TLR1: variants seen among roughly 807,000 people sequenced by gnomAD.
The protein encoded by TLR1 is toll like receptor 1.
A neutral mutation model predicts 20.2 loss-of-function variants in TLR1; 19 were observed. That is an observed-to-expected ratio of 0.94 (90% CI 0.66 to 1.38). The LOEUF is 1.38. TLR1 is among the 40% of genes most tolerant of loss of function. The pLI is 0.00. For missense variants in TLR1, 921 were observed against 910.0 expected, an observed-to-expected ratio of 1.01 and a Z score of -0.16; for synonymous variants, 320 against 334.5, an observed-to-expected ratio of 0.96 and a Z score of 0.47.
chr4:38,789,205 C>T (rs191389228), downstream of TLR1, among the ~76,000 whole-genome samples: 27 of 152,228 alleles, frequency 1.8e-4, no homozygotes, highest in East Asian at 4.6e-3. Context: ...CCACCTTCAG[C>T]GATGTCATGT....
chr4:38,797,503 T>C lies in TLR1; in HGVS notation c.1329A>G (p.Leu443=). Reference sequence around the variant, plus strand: ...GATCAAGTACCTTGATCCTGGGAGGTAAACATCTGAAAATAGTGTCAGTAA... The same window carrying C: ...GATCAAGTACCTTGATCCTGGGAGGCAAACATCTGAAAATAGTGTCAGTAA... The part of the protein sequence containing the change: ...NILTDTIFRC[L]PPRIKVLDLH... The change falls in exon 4 of 4, where the codon TTA becomes TTG. Residue 443 remains leucine, a synonymous_variant. Coordinates refer to ENST00000308979, the MANE Select transcript of TLR1 (RefSeq NM_003263.4). The C allele has an allele frequency of 6.2e-7, 1 of 1,614,142 alleles. No individual in the cohort carries two copies. The highest frequency in any genetic ancestry group is 8.5e-7 in the Non-Finnish European group (1 of 1,180,030).
intron 2 of TLR1, among the ~76,000 whole-genome samples, chr4:38,803,738 T>A (rs919407187): frequency 6.6e-6 from 1 of 152,208 alleles, no homozygotes; most frequent in Non-Finnish European, 1.5e-5. Flanking sequence ...CTGAGCCTCA[T>A]CTATTTTAGA....
chr4:38,800,058 G>C (rs1343654566), intron 3 of TLR1, among the ~76,000 whole-genome samples: 2 of 152,234 alleles, frequency 1.3e-5, no homozygotes, highest in African/African-American at 4.8e-5. Context: ...GGCTATTTTT[G>C]AGTGATTAGT....
In TLR1 at chr4:38,798,736, T is replaced by C; in HGVS notation, c.96A>G (p.Ser32=). Residue 32 remains serine, a synonymous_variant, in exon 4 of 4, where the codon TCA becomes TCG. Transcript: ENST00000308979. ...TAGGAACGTGGATGAGACCGTTTTTTGACCTATCAACTAAAAATTCACTTT... is the reference window on the plus strand; with the variant it reads ...TAGGAACGTGGATGAGACCGTTTTTCGACCTATCAACTAAAAATTCACTTT... ...SEESEFLVDR[S]KNGLIHVPKD... is the part of the protein sequence containing the mutation. 6.2e-7 allele frequency: 1 copy of C among 1,613,276 alleles called. No homozygotes were observed. The highest frequency in any genetic ancestry group is 8.5e-7 in the Non-Finnish European group (1 of 1,179,866).
downstream of TLR1, among the ~76,000 whole-genome samples, chr4:38,792,448 T>C (rs537950202): frequency 6.6e-6 from 1 of 152,356 alleles, no homozygotes; most frequent in South Asian, 2.1e-4. Flanking sequence ...TATACTTTTG[T>C]ATCCTATGCT....
At chr4:38,801,094 A>G (rs549973267) in intron 2 of TLR1, 146 bp from the exon 3 acceptor site, 1 of 152,800 alleles carries the variant, frequency 6.5e-6, no homozygotes, top group South Asian at 2.1e-4. Flanking sequence ...TCACACAAGG[A>G]GCAATATTTC....
exon 4 of TLR1, chr4:38,791,118 G>A (rs1471703023): frequency 1.3e-5 from 2 of 152,202 alleles, no homozygotes; most frequent in African/African-American, 4.8e-5. Context: ...AGGGCAGTGC[G>A]AGCTTGTCCA....
At position 38,798,902 on chromosome 4, in the gene TLR1, GAA is replaced by G. The variant is rs896903830; in HGVS notation, c.-67-6_-67-5del. 9.5e-6 allele frequency: 11 copies of G among 1,154,686 alleles called. No individual in the cohort carries two copies. In the African/African-American group the frequency reaches 1.7e-4, roughly 18 times the overall value. 71.5% of individuals were successfully genotyped at this position (1,154,686 alleles called of 1,614,324 possible). A position where few individuals can be genotyped will look rare whatever the true frequency, so the allele number is the denominator to read the frequency against. On this transcript the variant is annotated splice_polypyrimidine_tract_variant and splice_region_variant and intron_variant, in intron 3 of 3. Transcript: ENST00000308979. ...CATCTTGATACAGATACAGATTCTA[GAA>G]AAAAAATAATGAAATGATGAAATAC...
chr4:38,796,881 C>T lies in TLR1; in HGVS notation c.1951G>A (p.Val651Met), dbSNP rs1161655056. ...AGGTTTGGCAATAATTCATTCTTCACCCAGAAAGAATCGTGCCCACTATAT... is the reference window on the plus strand; with the variant it reads ...AGGTTTGGCAATAATTCATTCTTCATCCAGAAAGAATCGTGCCCACTATAT... ...ISYSGHDSFWVKNELLPNLEK... is the reference protein window; with the variant it reads ...ISYSGHDSFWMKNELLPNLEK... The change falls in exon 4 of 4, where the codon GTG becomes ATG. Residue 651 changes from valine to methionine, a missense_variant. Coordinates refer to ENST00000308979, the MANE Select transcript of TLR1 (RefSeq NM_003263.4). 1.2e-6 allele frequency: 2 copies of T among 1,614,082 alleles called. No homozygotes were observed. The highest frequency in any genetic ancestry group is 1.1e-5 in the South Asian group (1 of 91,086).
rs757805205 is a variant in TLR1 at position 38,797,247 on chromosome 4, T to C, written c.1585A>G (p.Thr529Ala). 6.8e-6 allele frequency: 11 copies of C among 1,614,248 alleles called. No homozygotes were observed. Among genetic ancestry groups the C allele is most frequent in the Non-Finnish European group, 9.3e-6 (11 of 1,180,036 alleles). Residue 529 changes from threonine (T) to alanine (A), a missense_variant, in exon 4 of 4, where the codon ACC (threonine) becomes GCC (alanine). Thr to Ala is a moderately conservative substitution (Grantham distance 58). Coordinates refer to ENST00000308979, the MANE Select transcript of TLR1 (RefSeq NM_003263.4). ...IKAGDNPFQC[T>A]CELGEFVKNI... Reference sequence around the variant, plus strand: ...TTGACAAATTCTCCTAGCTCACAGGTACATTGGAATGGATTGTCCCCTGCT... The same window carrying C: ...TTGACAAATTCTCCTAGCTCACAGGCACATTGGAATGGATTGTCCCCTGCT...
At position 38,796,737 on chromosome 4, in the gene TLR1, G is replaced by A. The variant is rs1322245598; in HGVS notation, c.2095C>T (p.Pro699Ser). 6.2e-7 allele frequency: 1 copy of A among 1,614,194 alleles called. No homozygotes were observed. Among genetic ancestry groups the A allele is most frequent in the Non-Finnish European group, 8.5e-7 (1 of 1,180,040 alleles). Residue 699 changes from proline (P) to serine (S), a missense_variant, in exon 4 of 4, where the codon CCC (proline) becomes TCC (serine). Coordinates refer to ENST00000308979, the MANE Select transcript of TLR1 (RefSeq NM_003263.4). ...CACCATTCACTCTGGACAAAGTTGG[G>A]AGACAAAACAAAGATGGACTTGTAA... ...KSYKSIFVLS[P>S]NFVQSEWCHY...
At chr4:38,799,906 A>G (rs1726515291) in intron 3 of TLR1, among the ~76,000 whole-genome samples, 1 of 152,326 alleles carries the variant, frequency 6.6e-6, no homozygotes, top group African/African-American at 2.4e-5. Context: ...TGAACAAGAT[A>G]AAGTCCGAAT....
At chr4:38,788,836 G>A (rs575877115), downstream of TLR1, among the ~76,000 whole-genome samples, 68 of 152,070 alleles carry the variant, frequency 4.5e-4, no homozygotes, top group African/African-American at 1.4e-3. Context: ...GCAAGACCCC[G>A]TCTCTACAAA....
At chr4:38,795,243 T>C (rs1725961937), downstream of TLR1, among the ~76,000 whole-genome samples, 1 of 152,182 alleles carries the variant, frequency 6.6e-6, no homozygotes, top group Non-Finnish European at 1.5e-5. Context: ...TCTACAAGCA[T>C]CCCACGCAGT....
chr4:38,789,832 A>G (rs1189317967), downstream of TLR1, among the ~76,000 whole-genome samples: 1 of 152,170 alleles, frequency 6.6e-6, no homozygotes, highest in Non-Finnish European at 1.5e-5. Flanking sequence ...CTTTTGGTTA[A>G]ATTGATGTTC....
At chr4:38,802,796 A>G (rs5743579) in intron 2 of TLR1, among the ~76,000 whole-genome samples, 2,227 of 152,288 alleles carry the variant, frequency 0.015, 48 homozygotes, top group African/African-American at 0.048. Context: ...CAGGCGTATA[A>G]CTCACTTTTT....
chr4:38,790,646 A>T (rs1011891146), downstream of TLR1: 22 of 151,400 alleles, frequency 1.5e-4, no homozygotes, highest in East Asian at 5.8e-4. Flanking sequence ...TATTATTATT[A>T]TTTTTTTTGA....
At chr4:38,788,313 G>A (rs945942048), downstream of TLR1, among the ~76,000 whole-genome samples, 8 of 152,194 alleles carry the variant, frequency 5.3e-5, no homozygotes, top group East Asian at 1.9e-4. Context: ...ACAAGGGAGC[G>A]GTAAAGAGAA....
At chr4:38,801,517 G>A (rs1726641324) in intron 2 of TLR1, among the ~76,000 whole-genome samples, 1 of 152,238 alleles carries the variant, frequency 6.6e-6, no homozygotes, top group Admixed American at 6.5e-5. Flanking sequence ...CGAAGCAAAA[G>A]TGGCCTGGTC....
Sources: allele counts gnomAD v4.1 joint callset (sites outside exome capture counted in the v4.1 genomes callset), GRCh38; gene constraint gnomAD v4.1.1; transcripts MANE v1.5; gene names NCBI Gene and HGNC (gene_info 2026-07-23, HGNC 2026-07-21).